The following FAF1 variants were observed in gnomAD, a reference collection of about 807,000 sequenced individuals.
The protein encoded by FAF1 is FAS-associated factor 1.
In FAF1, 25 loss-of-function variants were observed where a neutral mutation model predicts 92.5. The observed-to-expected ratio is 0.27, with a 90% CI of 0.20 to 0.38. The LOEUF is 0.38. FAF1 is among the 10% of genes least tolerant of loss of function. FAF1 has a pLI of 1.00. For synonymous variants in FAF1, 234 were observed against 273.2 expected (o/e 0.86, Z 1.42); for missense variants, 636 against 793.3 (o/e 0.80, Z 2.38).
At chr1:50,824,539 C>T (rs1159593883) in intron 2 of FAF1, among the ~76,000 whole-genome samples, 1 of 152,098 alleles carries the variant, frequency 6.6e-6, no homozygotes, top group African/African-American at 2.4e-5. Flanking sequence ...AGTACAACTA[C>T]TATGGAAAAC....
chr1:50,567,021 C>T, intron 13 of FAF1, 56 bp downstream of exon 13: 4 of 1,320,210 alleles, frequency 3.0e-6, no homozygotes, highest in Non-Finnish European at 4.1e-6. Context: ...ATGATAAACA[C>T]AATGATTTTT....
chr1:50,549,294 A>T (rs1244883358), intron 13 of FAF1, among the ~76,000 whole-genome samples: 1 of 152,046 alleles, frequency 6.6e-6, no homozygotes, highest in Non-Finnish European at 1.5e-5. Flanking sequence ...CCAAATTTAG[A>T]GACTTTGTTT....
intron 13 of FAF1, among the ~76,000 whole-genome samples, chr1:50,566,285 C>T (rs992891951): frequency 1.3e-4 from 19 of 151,992 alleles, no homozygotes; most frequent in Admixed American, 2.0e-4. Flanking sequence ...GTTCTATAAT[C>T]GTTTAAATTA....
At chr1:50,734,299 G>C (rs773976419) in intron 6 of FAF1, among the ~76,000 whole-genome samples, 1 of 151,948 alleles carries the variant, frequency 6.6e-6, no homozygotes, top group Non-Finnish European at 1.5e-5. Flanking sequence ...CTATAATCGA[G>C]TTCTCATTCT....
At chr1:50,776,496 G>T (rs536459651) in intron 4 of FAF1, among the ~76,000 whole-genome samples, 51 of 151,966 alleles carry the variant, frequency 3.4e-4, no homozygotes, top group Middle Eastern at 3.4e-3. Flanking sequence ...AGCCATTTCT[G>T]ATCACCACAC....
chr1:50,611,307 G>C (rs1652673809), intron 8 of FAF1, among the ~76,000 whole-genome samples: 1 of 152,000 alleles, frequency 6.6e-6, no homozygotes, highest in Non-Finnish European at 1.5e-5. Flanking sequence ...TTACAAACCA[G>C]AAAATTATCA....
chr1:50,519,744 C>T (rs1260905507), intron 15 of FAF1, among the ~76,000 whole-genome samples: 2 of 152,142 alleles, frequency 1.3e-5, no homozygotes, highest in Non-Finnish European at 2.9e-5. Flanking sequence ...TGATAGTGTA[C>T]TCCTCCAATC....
chr1:50,872,748 A>C (rs1644538496), intron 1 of FAF1, among the ~76,000 whole-genome samples: 1 of 151,994 alleles, frequency 6.6e-6, no homozygotes, highest in African/African-American at 2.4e-5. Context: ...AATACAAAAA[A>C]AAGTAGCTGG....
intron 1 of FAF1, among the ~76,000 whole-genome samples, chr1:50,947,951 T>C (rs1361558097): frequency 6.6e-6 from 1 of 151,906 alleles, no homozygotes; most frequent in African/African-American, 2.4e-5. Flanking sequence ...CTAGATACTG[T>C]AGGAACAGAT....
chr1:50,866,790 T>A (rs543801836), intron 1 of FAF1, among the ~76,000 whole-genome samples: 87 of 152,204 alleles, frequency 5.7e-4, no homozygotes, highest in African/African-American at 2.0e-3. Context: ...TTCAATGCAA[T>A]TGCCATCAAA....
chr1:50,888,131 T>C (rs1313016671), intron 1 of FAF1, among the ~76,000 whole-genome samples: 1 of 152,232 alleles, frequency 6.6e-6, no homozygotes, highest in African/African-American at 2.4e-5. Context: ...TTTTATTCTC[T>C]TTGAAGCAAT....
At chr1:50,497,354 T>C (rs1417705202) in intron 15 of FAF1, among the ~76,000 whole-genome samples, 3 of 151,848 alleles carry the variant, frequency 2.0e-5, no homozygotes, top group South Asian at 2.1e-4. Flanking sequence ...TAAAATACTT[T>C]TCAAACATAT....
intron 1 of FAF1, among the ~76,000 whole-genome samples, chr1:50,925,566 C>T (rs776945789): frequency 1.3e-5 from 2 of 151,998 alleles, no homozygotes; most frequent in Non-Finnish European, 1.5e-5. Flanking sequence ...TCACCCCGCT[C>T]AGAATGGCTA....
chr1:50,818,572 ATCTC>A (rs1277267936), intron 2 of FAF1, among the ~76,000 whole-genome samples: 3 of 152,236 alleles, frequency 2.0e-5, no homozygotes, highest in Non-Finnish European at 2.9e-5. Context: ...ATATGGATAA[ATCTC>A]TCAGACATTA....
intron 1 of FAF1, among the ~76,000 whole-genome samples, chr1:50,942,779 T>G (rs1275242775): frequency 6.6e-6 from 1 of 151,884 alleles, no homozygotes; most frequent in Non-Finnish European, 1.5e-5. Context: ...ATCAGCAATT[T>G]TTACACCAAT....
chr1:50,906,593 A>C, intron 1 of FAF1, among the ~76,000 whole-genome samples: 1 of 152,138 alleles, frequency 6.6e-6, no homozygotes, highest in Non-Finnish European at 1.5e-5. Flanking sequence ...GAGGTCCTTC[A>C]CGTCCCTTGT....
intron 12 of FAF1, among the ~76,000 whole-genome samples, chr1:50,579,544 A>C (rs1229852365): frequency 6.6e-6 from 1 of 152,210 alleles, no homozygotes; most frequent in Non-Finnish European, 1.5e-5. Flanking sequence ...ATGGCCATAC[A>C]ATGAGACTCC....
intron 2 of FAF1, among the ~76,000 whole-genome samples, chr1:50,837,206 T>G (rs1192248192): frequency 6.6e-6 from 1 of 152,162 alleles, no homozygotes; most frequent in Non-Finnish European, 1.5e-5. Context: ...TCTGCCCATC[T>G]TGGCCTCCCA....
In FAF1 at chr1:50,567,067, A is replaced by C. The variant is rs767033970; in HGVS notation, c.1268+10T>G. ...AAGCCCAACTTGTAACTTGTGAACA[A>C]CAGTATTACCTTGCTCTGTTGGAGT... On this transcript the variant is annotated intron_variant, in intron 13 of 18. Transcript: ENST00000396153. The C allele has an allele frequency of 1.3e-6, 2 of 1,538,208 alleles. No homozygotes were observed. The highest frequency in any genetic ancestry group is 1.8e-6 in the Non-Finnish European group (2 of 1,142,758).
Sources: gnomAD v4.1 joint callset for allele counts (sites outside exome capture counted in the v4.1 genomes callset) on GRCh38, gnomAD v4.1.1 for gene constraint, MANE v1.5 for transcripts, NCBI Gene and HGNC (gene_info 2026-07-23, HGNC 2026-07-21) for gene names.